Variants in CPT1A observed in about 807,000 individuals in gnomAD.
CPT1A encodes the protein carnitine palmitoyltransferase 1A, also known as carnitine O-palmitoyltransferase 1, liver isoform.
CPT1A carries 64 observed loss-of-function variants against 100.8 expected under a neutral mutation model. The ratio of observed to expected loss-of-function variants is 0.63; its 90% confidence interval spans 0.52 to 0.78. The LOEUF (loss-of-function observed/expected upper bound fraction) is 0.78. Ranked by LOEUF, CPT1A falls within the 30% of genes least tolerant of loss-of-function variation. The probability of loss-of-function intolerance (pLI) is 0.00; values close to 1 mark genes in which losing one functional copy is unlikely to be tolerated. For synonymous variants in CPT1A, 363 were observed against 396.0 expected (o/e 0.92, Z 0.99); for missense variants, 802 against 1,034.1 (o/e 0.78, Z 3.08).
At chr11:68,834,926 G>A (rs550968319) in intron 1 of CPT1A, among the ~76,000 whole-genome samples, 7 of 151,542 alleles carry the variant, frequency 4.6e-5, no homozygotes, top group African/African-American at 1.7e-4. Context: ...TTGAACTGGG[G>A]AGGCGGAGGT....
chr11:68,781,176 T>C (rs746418570), intron 11 of CPT1A, among the ~76,000 whole-genome samples: 13 of 152,126 alleles, frequency 8.5e-5, no homozygotes, highest in Non-Finnish European at 1.6e-4. Context: ...CCTAGCCCTG[T>C]TTGCCACTCT....
chr11:68,776,972 G>C (rs1855158437), intron 12 of CPT1A, among the ~76,000 whole-genome samples: 2 of 152,176 alleles, frequency 1.3e-5, no homozygotes, highest in South Asian at 2.1e-4. Context: ...ACAAGGTCGG[G>C]GTGACTGTCG....
intron 1 of CPT1A, among the ~76,000 whole-genome samples, chr11:68,822,551 G>T (rs910972647): frequency 6.6e-6 from 1 of 151,276 alleles, no homozygotes; most frequent in African/African-American, 2.4e-5. Flanking sequence ...AAAGAAAATT[G>T]TAGAAAAATA....
At chr11:68,823,783 C>G (rs1484933353) in intron 1 of CPT1A, among the ~76,000 whole-genome samples, 1 of 150,314 alleles carries the variant, frequency 6.7e-6, no homozygotes, top group Admixed American at 6.6e-5. Flanking sequence ...GAACAAAACT[C>G]TGTCTCAAAA....
chr11:68,799,442 G>A, intron 5 of CPT1A, 87 bp from the exon 6 acceptor site: 1 of 1,454,152 alleles, frequency 6.9e-7, no homozygotes. Context: ...CTTAGGAAAA[G>A]TTCTAACACA....
At chr11:68,786,150 C>T (rs1188179326) in intron 9 of CPT1A, 6 of 682,294 alleles carry the variant, frequency 8.8e-6, no homozygotes, top group Admixed American at 4.2e-5. Flanking sequence ...TTGCTTGAGC[C>T]CAGGAGTTTG....
intron 9 of CPT1A, among the ~76,000 whole-genome samples, chr11:68,787,768 C>G (rs1855505515): frequency 6.6e-6 from 1 of 151,930 alleles, no homozygotes; most frequent in Non-Finnish European, 1.5e-5. Context: ...ATGGTGAAAA[C>G]TCGTCTCTAC....
chr11:68,809,570 C>T (rs1174846012), intron 3 of CPT1A, among the ~76,000 whole-genome samples: 3 of 152,014 alleles, frequency 2.0e-5, no homozygotes, highest in Non-Finnish European at 4.4e-5. Flanking sequence ...TGGGCTCAAG[C>T]AATCCTCCTG....
In CPT1A at chr11:68,768,066, C is replaced by CTTTTTTTTTTTTT. The variant is rs71043448; in HGVS notation, c.1740+5186_1740+5198dup. ...TCTCAGACACTTTCTAGTTTCCAGT[C>CTTTTTTTTTTTTT]TTTTTTTTTTTTTTTTTTTTTTTTT... On this transcript the variant is annotated intron_variant, in intron 14 of 18. Transcript: ENST00000265641. Among the ~76,000 whole-genome samples, 37 of 71,248 alleles carry CTTTTTTTTTTTTT rather than the reference C, an allele frequency of 5.2e-4. 11 individuals carry two copies. The highest frequency in any genetic ancestry group is 1.5e-3 in the African/African-American group (24 of 16,382). 46.7% of individuals were successfully genotyped at this position (71,248 alleles called of 152,430 possible). A position where few individuals can be genotyped will look rare whatever the true frequency, so the allele number is the denominator to read the frequency against.
intron 3 of CPT1A, among the ~76,000 whole-genome samples, chr11:68,810,126 C>T (rs976055545): frequency 1.4e-4 from 22 of 152,086 alleles, no homozygotes; most frequent in African/African-American, 5.3e-4. Context: ...TGCAGTGTGC[C>T]GAGATCGCAC....
intron 1 of CPT1A, chr11:68,839,417 C>T: frequency 1.3e-6 from 1 of 753,844 alleles, no homozygotes; most frequent in Non-Finnish European, 1.6e-6. Flanking sequence ...AGGTCAGCAG[C>T]AGCCCCGCCC....
At chr11:68,782,856 C>T (rs1029395747) in intron 10 of CPT1A, among the ~76,000 whole-genome samples, 8 of 152,202 alleles carry the variant, frequency 5.3e-5, no homozygotes, top group East Asian at 3.9e-4. Context: ...CCGGCACGTA[C>T]GGAGCCCTTC....
chr11:68,763,132 A>G (rs1038061838), intron 14 of CPT1A, among the ~76,000 whole-genome samples: 1 of 152,198 alleles, frequency 6.6e-6, no homozygotes, highest in Non-Finnish European at 1.5e-5. Flanking sequence ...TACAGGTGTG[A>G]GCCACTGTGC....
At chr11:68,791,559 G>C (rs1855613518) in intron 9 of CPT1A, among the ~76,000 whole-genome samples, 1 of 152,078 alleles carries the variant, frequency 6.6e-6, no homozygotes, top group African/African-American at 2.4e-5. Flanking sequence ...TTTTTGAGAT[G>C]AAGTTTCACT....
At chr11:68,835,481 C>T (rs1044607900) in intron 1 of CPT1A, among the ~76,000 whole-genome samples, 14 of 152,328 alleles carry the variant, frequency 9.2e-5, no homozygotes, top group African/African-American at 2.6e-4. Flanking sequence ...GTGGGGACTG[C>T]AAAATACATT....
chr11:68,791,241 G>C (rs113759113), intron 9 of CPT1A, among the ~76,000 whole-genome samples: 155 of 152,320 alleles, frequency 1.0e-3, no homozygotes, highest in Admixed American at 1.4e-3. Context: ...GGTGCTGACT[G>C]ACAGCAGGTG....
intron 12 of CPT1A, among the ~76,000 whole-genome samples, chr11:68,779,849 G>A (rs1202319579): frequency 2.0e-5 from 3 of 151,942 alleles, no homozygotes; most frequent in African/African-American, 4.8e-5. Flanking sequence ...CAGGCAGGGG[G>A]ACAGGGGTTT....
At chr11:68,794,758 T>C in intron 8 of CPT1A, 46 bp downstream of exon 8, 1 of 1,462,222 alleles carries the variant, frequency 6.8e-7, no homozygotes, top group Non-Finnish European at 9.6e-7. Flanking sequence ...TATACCTCTG[T>C]AAAGCTGTTT....
chr11:68,758,128 T>A (rs1946727725), intron 18 of CPT1A, among the ~76,000 whole-genome samples: 2 of 152,122 alleles, frequency 1.3e-5, no homozygotes, highest in Non-Finnish European at 1.5e-5. Context: ...ATCAGCCAGG[T>A]GTGGTGGCAC....
Sources: gnomAD v4.1 joint callset for allele counts (sites outside exome capture counted in the v4.1 genomes callset) on GRCh38, gnomAD v4.1.1 for gene constraint, MANE v1.5 for transcripts, NCBI Gene and HGNC (gene_info 2026-07-23, HGNC 2026-07-21) for gene names.